The following FCHSD2 variants were observed in gnomAD, a reference collection of about 807,000 sequenced individuals.
FCHSD2 encodes the protein F-BAR and double SH3 domains protein 2.
FCHSD2 carries 38 observed loss-of-function variants against 108.1 expected under a neutral mutation model. The ratio of observed to expected loss-of-function variants is 0.35; its 90% CI spans 0.27 to 0.46. The LOEUF (loss-of-function observed/expected upper bound fraction) is 0.46, where lower values mean the gene tolerates loss of function less well. Among genes scored for constraint, FCHSD2 ranks in the 20% least tolerant of loss-of-function variants. The pLI is 1.00. For synonymous variants in FCHSD2, 279 were observed against 314.7 expected, an observed-to-expected ratio of 0.89 and a Z score of 1.20; for missense variants, 751 against 897.8, an observed-to-expected ratio of 0.84 and a Z score of 2.09.
Position 73,035,201 on chromosome 11 carries a change from T to TGTAC in FCHSD2, c.166-19320_166-19317dup, listed in dbSNP as rs534850451. On this transcript the variant is annotated intron_variant, in intron 3 of 19. Coordinates refer to ENST00000409418, the MANE Select transcript of FCHSD2 (RefSeq NM_014824.3). ...ATGTATGTATGTATGTATGTATGTATGTACGTACTAAGACAAGGTCTCGCT... is the reference window on the plus strand; with the variant it reads ...ATGTATGTATGTATGTATGTATGTATGTACGTACGTACTAAGACAAGGTCTCGCT... 5.7e-3 allele frequency among the ~76,000 whole-genome samples: 488 copies of TGTAC among 86,306 alleles called. 1 individual carries two copies. The highest frequency in any genetic ancestry group is 0.055 in the Middle Eastern group (8 of 146). The allele number at this position is 86,306 out of a possible 152,430, so 56.6% of individuals were successfully genotyped here.
Position 73,129,458 on chromosome 11 carries a change from G to T in FCHSD2, c.119+10573C>A, listed in dbSNP as rs1860941850. On this transcript the variant is annotated intron_variant, in intron 2 of 19. Coordinates refer to ENST00000409418, the MANE Select transcript of FCHSD2 (RefSeq NM_014824.3). ...TCCTGTCAGATCAGCAGCAGCATTA[G>T]ATTCTCATGGCACGAACCCTATTGT... 2.0e-5 allele frequency among the ~76,000 whole-genome samples: 3 copies of T among 152,168 alleles called. No homozygotes were observed. In the South Asian group the frequency reaches 6.2e-4, roughly 32 times the overall value.
intron 9 of FCHSD2, among the ~76,000 whole-genome samples, chr11:72,915,494 C>A (rs1855854224): frequency 6.6e-6 from 1 of 152,102 alleles, no homozygotes; most frequent in Non-Finnish European, 1.5e-5. Context: ...ATGGAACAAA[C>A]CTAAATGCCC....
At chr11:72,878,240 G>A (rs944810313) in intron 12 of FCHSD2, among the ~76,000 whole-genome samples, 10 of 152,082 alleles carry the variant, frequency 6.6e-5, no homozygotes, top group African/African-American at 2.4e-4. Flanking sequence ...GATTGTGCCT[G>A]TGAATAGTCA....
chr11:72,898,316 T>G (rs1855460991), intron 10 of FCHSD2, among the ~76,000 whole-genome samples: 2 of 152,244 alleles, frequency 1.3e-5, no homozygotes, highest in Admixed American at 1.3e-4. Flanking sequence ...AAAAGTCCTA[T>G]AACTTTCCTA....
At chr11:72,896,816 TTTTTG>T (rs796577188) in intron 10 of FCHSD2, among the ~76,000 whole-genome samples, 8 of 148,376 alleles carry the variant, frequency 5.4e-5, no homozygotes, top group South Asian at 2.2e-4. Flanking sequence ...GCCTTGTGGA[TTTTTG>T]TTTTGTTTTG....
chr11:72,946,830 A>G (rs1414461256), intron 8 of FCHSD2, among the ~76,000 whole-genome samples: 1 of 152,206 alleles, frequency 6.6e-6, no homozygotes, highest in Admixed American at 6.5e-5. Flanking sequence ...TGTTAAGTAT[A>G]ATGCCTAGGG....
intron 13 of FCHSD2, among the ~76,000 whole-genome samples, chr11:72,861,395 C>CAAAA (rs34484683): frequency 7.0e-6 from 1 of 142,690 alleles, no homozygotes. Flanking sequence ...TAAAAACTTC[C>CAAAA]AAAAAAAAAA....
intron 8 of FCHSD2, among the ~76,000 whole-genome samples, chr11:72,983,070 G>A (rs1857244342): frequency 6.6e-6 from 1 of 152,058 alleles, no homozygotes; most frequent in Non-Finnish European, 1.5e-5. Flanking sequence ...TGAGGCGGGC[G>A]GATCACGAGG....
chr11:72,898,728 ATTT>A (rs35118990), intron 10 of FCHSD2, among the ~76,000 whole-genome samples: 46 of 137,764 alleles, frequency 3.3e-4, no homozygotes, highest in Non-Finnish European at 3.7e-4. Flanking sequence ...TTTTCTTTCT[ATTT>A]TTTTTTTTTT....
intron 13 of FCHSD2, among the ~76,000 whole-genome samples, chr11:72,859,330 T>C (rs1342914195): frequency 6.6e-6 from 1 of 152,220 alleles, no homozygotes; most frequent in Non-Finnish European, 1.5e-5. Flanking sequence ...CTATGTAAGC[T>C]ACTTGTCCAT....
intron 1 of FCHSD2, chr11:73,141,098 C>G (rs1382940169): frequency 6.6e-6 from 1 of 152,396 alleles, no homozygotes; most frequent in African/African-American, 2.4e-5. Context: ...AAGACAAGGA[C>G]ACAGCCTCGG....
intron 8 of FCHSD2, among the ~76,000 whole-genome samples, chr11:72,933,913 A>G (rs1372924653): frequency 6.6e-6 from 1 of 152,016 alleles, no homozygotes; most frequent in East Asian, 1.9e-4. Flanking sequence ...GTTCAAGACT[A>G]ACTTGGGCAA....
chr11:72,846,311 G>A (rs1350850203), intron 14 of FCHSD2, among the ~76,000 whole-genome samples: 1 of 151,730 alleles, frequency 6.6e-6, no homozygotes, highest in African/African-American at 2.4e-5. Flanking sequence ...CTCCCAAGTA[G>A]CTGGGATTAC....
At chr11:73,112,877 G>C (rs1319891897) in intron 2 of FCHSD2, among the ~76,000 whole-genome samples, 2 of 152,172 alleles carry the variant, frequency 1.3e-5, no homozygotes, top group African/African-American at 2.4e-5. Context: ...TGTTAGCCAA[G>C]CTCGTCTTGA....
intron 8 of FCHSD2, among the ~76,000 whole-genome samples, chr11:72,942,417 T>C (rs989332234): frequency 6.6e-6 from 1 of 152,198 alleles, no homozygotes; most frequent in Admixed American, 6.5e-5. Context: ...TTTAAACCAA[T>C]GTAAATGGGC....
At chr11:73,118,225 A>G (rs537035053) in intron 2 of FCHSD2, among the ~76,000 whole-genome samples, 5 of 152,294 alleles carry the variant, frequency 3.3e-5, no homozygotes, top group Non-Finnish European at 7.4e-5. Flanking sequence ...AGGCTGAGGC[A>G]GGAAAATTGC....
intron 2 of FCHSD2, among the ~76,000 whole-genome samples, chr11:73,098,286 T>TCCCTA (rs1860137553): frequency 6.6e-6 from 1 of 152,184 alleles, no homozygotes; most frequent in Admixed American, 6.5e-5. Context: ...TTTTCTAATC[T>TCCCTA]CCCTAGTGAC....
intron 4 of FCHSD2, among the ~76,000 whole-genome samples, chr11:73,014,641 C>T (rs1406615360): frequency 1.3e-5 from 2 of 152,024 alleles, no homozygotes; most frequent in Non-Finnish European, 2.9e-5. Context: ...AGCTTGATTT[C>T]GTATTCAGAC....
intron 2 of FCHSD2, among the ~76,000 whole-genome samples, chr11:73,120,017 A>G (rs1006412454): frequency 1.3e-5 from 2 of 151,798 alleles, no homozygotes; most frequent in Admixed American, 1.3e-4. Context: ...CATGGATGGC[A>G]GAAGGCAAAG....
Sources: gnomAD v4.1 joint callset for allele counts (sites outside exome capture counted in the v4.1 genomes callset) on GRCh38, gnomAD v4.1.1 for gene constraint, MANE v1.5 for transcripts, NCBI Gene and HGNC (gene_info 2026-07-23, HGNC 2026-07-21) for gene names.